Variants in PRKCI observed in about 807,000 individuals in gnomAD.
PRKCI encodes protein kinase C iota type.
PRKCI carries 43 observed loss-of-function variants against 84.0 expected under a neutral mutation model. The observed-to-expected ratio is 0.51, with a 90% CI of 0.40 to 0.66. PRKCI has a LOEUF of 0.66. Ranked by LOEUF, PRKCI falls within the 30% of genes least tolerant of loss-of-function variation. The pLI is 0.00. For missense variants in PRKCI, 459 were observed against 745.6 expected (o/e 0.62, Z 4.48); for synonymous variants, 216 against 234.4 (o/e 0.92, Z 0.72).
At chr3:170,259,473 T>TA in intron 2 of PRKCI, among the ~76,000 whole-genome samples, 1 of 152,114 alleles carries the variant, frequency 6.6e-6, no homozygotes, top group Non-Finnish European at 1.5e-5. Flanking sequence ...AGTTATATGT[T>TA]ACCTACTTCA....
At chr3:170,271,478 G>C (rs1189478001) in intron 6 of PRKCI, among the ~76,000 whole-genome samples, 3 of 152,068 alleles carry the variant, frequency 2.0e-5, no homozygotes, top group African/African-American at 7.2e-5. Flanking sequence ...TGTTTTTATA[G>C]TTTTCATTAT....
chr3:170,258,808 T>C (rs1015151265), intron 2 of PRKCI, among the ~76,000 whole-genome samples: 1 of 152,220 alleles, frequency 6.6e-6, no homozygotes, highest in Non-Finnish European at 1.5e-5. Flanking sequence ...TTTCTGTGAC[T>C]CCTTTGAGGA....
chr3:170,292,451 T>C (rs1286131243), intron 13 of PRKCI, among the ~76,000 whole-genome samples: 1 of 152,156 alleles, frequency 6.6e-6, no homozygotes, highest in Non-Finnish European at 1.5e-5. Flanking sequence ...CACCCGAAGA[T>C]ACACTTATCT....
At chr3:170,278,033 G>A (rs1407011251) in intron 8 of PRKCI, among the ~76,000 whole-genome samples, 1 of 152,090 alleles carries the variant, frequency 6.6e-6, no homozygotes, top group African/African-American at 2.4e-5. Flanking sequence ...GTCTGAAAAT[G>A]TTTTTCTTTC....
At chr3:170,281,996 T>C in intron 11 of PRKCI, 28 bp downstream of exon 11, 1 of 1,602,928 alleles carries the variant, frequency 6.2e-7, no homozygotes, top group East Asian at 2.2e-5. Flanking sequence ...GTTTGTGTTG[T>C]TTTCTTTTTG....
At chr3:170,236,390 C>T (rs1380438588) in intron 2 of PRKCI, among the ~76,000 whole-genome samples, 1 of 152,110 alleles carries the variant, frequency 6.6e-6, no homozygotes, top group African/African-American at 2.4e-5. Context: ...TATGGGCCAC[C>T]ACACCTGGCC....
chr3:170,297,526 C>A, intron 16 of PRKCI, 133 bp downstream of exon 16: 1 of 685,162 alleles, frequency 1.5e-6, no homozygotes. Flanking sequence ...ACGATCTCAG[C>A]TCACTGCAAC....
At chr3:170,290,026 T>C (rs1263227484) in intron 12 of PRKCI, among the ~76,000 whole-genome samples, 1 of 150,696 alleles carries the variant, frequency 6.6e-6, no homozygotes, top group African/African-American at 2.5e-5. Context: ...TGAGCCAAGA[T>C]CACGCCACTG....
At chr3:170,257,216 G>T (rs117984141) in intron 2 of PRKCI, among the ~76,000 whole-genome samples, 2,385 of 152,252 alleles carry the variant, frequency 0.016, 42 homozygotes, top group East Asian at 0.086. Context: ...AAAAGAACAG[G>T]TGGTGAACCT....
intron 2 of PRKCI, among the ~76,000 whole-genome samples, chr3:170,249,364 C>T (rs1425881041): frequency 6.6e-6 from 1 of 151,994 alleles, no homozygotes; most frequent in African/African-American, 2.4e-5. Context: ...ATAAAACACT[C>T]ATTGGTATCA....
intron 2 of PRKCI, among the ~76,000 whole-genome samples, chr3:170,240,579 T>A (rs1185152910): frequency 6.6e-6 from 1 of 152,236 alleles, no homozygotes; most frequent in East Asian, 1.9e-4. Context: ...AGTAATTATT[T>A]TTAAGTTACT....
Position 170,303,948 on chromosome 3 carries a change from G to C in PRKCI, c.*821G>C, listed in dbSNP as rs1279321988. 3 of 166,286 alleles carry C rather than the reference G, an allele frequency of 1.8e-5. No homozygotes were observed. The allele number at this position is 166,286 out of a possible 1,614,324, so 10.3% of individuals were successfully genotyped here. ...GGAGATGGAGTTGGCAGTGAGCCAA[G>C]ATTAGCCTGGGCAACAGTGAGTGAG... On this transcript the variant is annotated 3_prime_UTR_variant, in exon 18 of 18. Coordinates refer to ENST00000295797, the MANE Select transcript of PRKCI (RefSeq NM_002740.6).
intron 1 of PRKCI, among the ~76,000 whole-genome samples, chr3:170,230,457 A>G (rs1265450028): frequency 4.6e-5 from 7 of 152,160 alleles, no homozygotes; most frequent in African/African-American, 1.7e-4. Context: ...CAGCCTCCCA[A>G]GTAGCTGGGA....
intron 2 of PRKCI, among the ~76,000 whole-genome samples, chr3:170,245,741 G>A (rs1335704799): frequency 6.6e-6 from 1 of 152,058 alleles, no homozygotes; most frequent in Non-Finnish European, 1.5e-5. Flanking sequence ...ACAAAATATA[G>A]TGGGTTTTTT....
intron 12 of PRKCI, among the ~76,000 whole-genome samples, chr3:170,290,183 T>C (rs776595102): frequency 5.3e-5 from 8 of 152,224 alleles, no homozygotes; most frequent in Non-Finnish European, 8.8e-5. Flanking sequence ...ACATATGTTC[T>C]GTTGAATTTC....
intron 17 of PRKCI, among the ~76,000 whole-genome samples, chr3:170,300,224 G>C (rs533922904): frequency 1.3e-5 from 2 of 152,246 alleles, no homozygotes; most frequent in South Asian, 2.1e-4. Flanking sequence ...GATTAACCTT[G>C]TCTTAATTTG....
At chr3:170,271,615 GTTAT>G (rs1233626612) in intron 6 of PRKCI, among the ~76,000 whole-genome samples, 1 of 151,858 alleles carries the variant, frequency 6.6e-6, no homozygotes, top group African/African-American at 2.4e-5. Context: ...AAAAGAAACA[GTTAT>G]TTGTCATTTA....
rs1278864720 is a variant in PRKCI at position 170,303,360 on chromosome 3, A to G, written c.*233A>G. 1.2e-5 allele frequency: 4 copies of G among 346,186 alleles called. No individual in the cohort carries two copies. The highest frequency in any genetic ancestry group is 2.1e-5 in the Non-Finnish European group (4 of 193,864). The allele number at this position is 346,186 out of a possible 1,614,324, so 21.4% of individuals were successfully genotyped here. ...CAAAATTTAGTTGAACTGGTTTTTC[A>G]GTTTTTAAAAGGCCTACAGATGAGT... On this transcript the variant is annotated 3_prime_UTR_variant, in exon 18 of 18. Transcript: ENST00000295797.
chr3:170,251,291 A>T (rs1355237060), intron 2 of PRKCI, among the ~76,000 whole-genome samples: 1 of 152,218 alleles, frequency 6.6e-6, no homozygotes, highest in Non-Finnish European at 1.5e-5. Context: ...CAAAAATTTC[A>T]TCAGGAAAAA....
Sources: gnomAD v4.1 joint callset for allele counts (sites outside exome capture counted in the v4.1 genomes callset) on GRCh38, gnomAD v4.1.1 for gene constraint, MANE v1.5 for transcripts, NCBI Gene and HGNC (gene_info 2026-07-23, HGNC 2026-07-21) for gene names.